Variants in SAMD10 observed in about 807,000 individuals in gnomAD.
SAMD10 encodes the protein sterile alpha motif domain-containing protein 10.
In SAMD10, 16 loss-of-function variants were observed where a neutral mutation model predicts 22.5. That is an observed-to-expected ratio of 0.71 (90% CI 0.48 to 1.08). The LOEUF (loss-of-function observed/expected upper bound fraction) is 1.08, where lower values mean the gene tolerates loss of function less well. SAMD10 is among the 50% of genes least tolerant of loss of function. SAMD10 has a pLI of 0.00. For missense variants in SAMD10, 227 were observed against 281.3 expected (o/e 0.81, Z 1.38); for synonymous variants, 118 against 122.2 (o/e 0.97, Z 0.23).
In SAMD10 at chr20:63,977,272, T is replaced by A. The variant is rs1569206537; in HGVS notation, c.226A>T (p.Ser76Cys). 2 of 1,613,428 alleles carry A rather than the reference T, an allele frequency of 1.2e-6. No individual in the cohort carries two copies. Among genetic ancestry groups the A allele is most frequent in the Non-Finnish European group, 8.5e-7 (1 of 1,179,994 alleles). The change falls in exon 2 of 5, where the codon AGC becomes TGC. Residue 76 changes from serine to cysteine, a missense_variant. By Grantham distance (112) the Ser-to-Cys change is moderately radical. Coordinates refer to ENST00000369886, the MANE Select transcript of SAMD10 (RefSeq NM_080621.5). The surrounding 1 kb of genome is among the most constrained non-coding windows in gnomAD (Gnocchi z 5.4). ...TGCTGCAGGAGCTTGATTGGCCTGC[T>A]GCTGGCCGCCCTCTGGCTGCGGGAG... ...HDSRSQRAAS[S>C]RPIKLLQQPG...
At chr20:63,978,918 G>A (rs1437775659) in intron 1 of SAMD10, among the ~76,000 whole-genome samples, 1 of 152,184 alleles carries the variant, frequency 6.6e-6, no homozygotes, top group Admixed American at 6.5e-5. Context: ...AGCAGGCTCC[G>A]CCCATTTCCT....
chr20:63,979,693 C>G (rs2059051287), upstream of SAMD10: 1 of 985,218 alleles, frequency 1.0e-6, no homozygotes, highest in Non-Finnish European at 1.2e-6. The surrounding 1 kb of genome is among the most constrained non-coding windows in gnomAD (Gnocchi z 7.7). Flanking sequence ...CGCGGGCCTG[C>G]GTGCACCAAG....
At chr20:63,979,778 C>T, upstream of SAMD10, 1 of 800,306 alleles carries the variant, frequency 1.2e-6, no homozygotes, top group Non-Finnish European at 1.5e-6. This position sits in a 1 kb window ranked among gnomAD's most constrained non-coding sequence, Gnocchi z 7.7. Context: ...GTGAACCTGC[C>T]GGGCGTCCTC....
intron 3 of SAMD10, among the ~76,000 whole-genome samples, chr20:63,976,078 C>A (rs369477849): frequency 6.6e-6 from 1 of 152,168 alleles, no homozygotes; most frequent in Non-Finnish European, 1.5e-5. Flanking sequence ...GAGGCTGAGG[C>A]GGGAGGATCA....
rs191448031 is a variant in SAMD10, at chr20:63,976,963, C to T, written c.445+8G>A. 798 of 1,613,926 alleles carry T rather than the reference C, an allele frequency of 4.9e-4. 3 individuals carry two copies. The African/African-American group carries it at 9.3e-3, about 19-fold the overall frequency. ...CCCACTCCCACAGCACCCTCAGCGC[C>T]ACTGTACCGGTGATGGCATGCTGGG... On this transcript the variant is annotated splice_region_variant and intron_variant, in intron 3 of 4. Transcript: ENST00000369886.
rs1190001107 is a variant in SAMD10, at chr20:63,974,498, GAGAGGGCAGAGGCGCA to G, written c.*996_*1011del. On this transcript the variant is annotated 3_prime_UTR_variant, in exon 5 of 5. Transcript: ENST00000369886. The stretch of plus-strand genomic sequence containing the variant: ...TTTTCAGAAGCCACAGGGGGACTGG[GAGAGGGCAGAGGCGCA>G]AGAGGGTGGAGGCGGCTAGGGCCGC... The G allele has an allele frequency of 6.5e-6, 1 of 152,900 alleles. No homozygotes were observed. The highest frequency in any genetic ancestry group is 2.4e-5 in the African/African-American group (1 of 41,476). The allele number at this position is 152,900 out of a possible 1,614,324, so 9.5% of individuals were successfully genotyped here. A position where few individuals can be genotyped will look rare whatever the true frequency, so the allele number is the denominator to read the frequency against.
In SAMD10 at chr20:63,977,120, T is replaced by C. The variant is rs747371207; in HGVS notation, c.296A>G (p.Tyr99Cys). The C allele has an allele frequency of 3.1e-6, 5 of 1,613,850 alleles. No individual in the cohort carries two copies. The highest frequency in any genetic ancestry group is 2.5e-6 in the Non-Finnish European group (3 of 1,179,974). The change falls in exon 3 of 5, where the codon TAT becomes TGT. Residue 99 changes from tyrosine (Y) to cysteine (C), a missense_variant. By Grantham distance (194) the Tyr-to-Cys change is radical. Transcript: ENST00000369886. The surrounding 1 kb of genome is among the most constrained non-coding windows in gnomAD (Gnocchi z 5.4). The part of the protein sequence containing the change: ...TPQGRLYSDH[Y>C]GLYHTSPSLG... ...CGAGGGGCTTGTATGGTACAGGCCATAGTGGTCAGAGTACAGCCGGCCCTG... is the reference window on the plus strand; with the variant it reads ...CGAGGGGCTTGTATGGTACAGGCCACAGTGGTCAGAGTACAGCCGGCCCTG...
chr20:63,976,013 A>C (rs191217400), intron 3 of SAMD10, among the ~76,000 whole-genome samples, 181 bp from the exon 4 acceptor site: 11 of 152,326 alleles, frequency 7.2e-5, no homozygotes, highest in African/African-American at 2.6e-4. Flanking sequence ...TTTCTACTAA[A>C]AGTATAAAAA....
Position 63,977,428 on chromosome 20 carries a change from C to A in SAMD10, c.92-22G>T. 1 of 1,610,028 alleles carries A rather than the reference C, an allele frequency of 6.2e-7. No individual in the cohort carries two copies. Among genetic ancestry groups the A allele is most frequent in the South Asian group, 1.1e-5 (1 of 90,792 alleles). On this transcript the variant is annotated intron_variant, in intron 1 of 4. Transcript: ENST00000369886. This position sits in a 1 kb window ranked among gnomAD's most constrained non-coding sequence, Gnocchi z 5.4. Reference sequence around the variant, plus strand: ...GTGGCTGTGTGTGGGGGTGCCTGGTCAGGGCAGTCAAGGGCAGAACCAGAG... The same window carrying A: ...GTGGCTGTGTGTGGGGGTGCCTGGTAAGGGCAGTCAAGGGCAGAACCAGAG...
At position 63,979,592 on chromosome 20, in the gene SAMD10, C is replaced by A; in HGVS notation, c.-125G>T. 1 of 984,128 alleles carries A rather than the reference C, an allele frequency of 1.0e-6. No homozygotes were observed. The highest frequency in any genetic ancestry group is 1.2e-6 in the Non-Finnish European group (1 of 829,866). 61.0% of individuals were successfully genotyped at this position (984,128 alleles called of 1,614,324 possible). A position where few individuals can be genotyped will look rare whatever the true frequency, so the allele number is the denominator to read the frequency against. On this transcript the variant is annotated 5_prime_UTR_variant, in exon 1 of 5. Transcript: ENST00000369886. The surrounding 1 kb of genome is among the most constrained non-coding windows in gnomAD (Gnocchi z 7.7). ...AGCCGGCCCCGCGCCCGAGCCGGTC[C>A]CCGCGGCCCGCGAGTGTGCGCGACG...
At position 63,975,827 on chromosome 20, in the gene SAMD10, C is replaced by A; in HGVS notation, c.451G>T (p.Ala151Ser). 7 of 1,597,634 alleles carry A rather than the reference C, an allele frequency of 4.4e-6. No individual in the cohort carries two copies. The highest frequency in any genetic ancestry group is 5.9e-6 in the Non-Finnish European group (7 of 1,176,502). ...AFSQHAITGRALLRLNAEKLQ... is the reference protein window; with the variant it reads ...AFSQHAITGRSLLRLNAEKLQ... The stretch of plus-strand genomic sequence containing the variant: ...TTCTCCGCATTCAGCCGCAGCAGTG[C>A]CCGGCCTGGGGAGAGGAAAGAGGGG... The change falls in exon 4 of 5, where the codon GCA becomes TCA. Residue 151 changes from alanine (A) to serine (S), a missense_variant. Transcript: ENST00000369886.
At position 63,975,331 on chromosome 20, in the gene SAMD10, T is replaced by A; in HGVS notation, c.*179A>T. The A allele has an allele frequency of 6.7e-5, 41 of 609,868 alleles. No homozygotes were observed. Among genetic ancestry groups the A allele is most frequent in the Middle Eastern group, 4.7e-4 (1 of 2,134 alleles). The allele number at this position is 609,868 out of a possible 1,614,324, so 37.8% of individuals were successfully genotyped here. A position where few individuals can be genotyped will look rare whatever the true frequency, so the allele number is the denominator to read the frequency against. On this transcript the variant is annotated 3_prime_UTR_variant, in exon 5 of 5. Coordinates refer to ENST00000369886, the MANE Select transcript of SAMD10 (RefSeq NM_080621.5). ...ACCCACCCAGCCCCAGGGCACGACC[T>A]GGAATGTCCAACCAGAGGCGCCTGG...
chr20:63,974,412 G>C lies in SAMD10; in HGVS notation c.*1098C>G, dbSNP rs551285295. ...CCTGGGACCTGCAGTGACCAGCCTC[G>C]AGTCTGGAGGCTCAAAGCACACAGA... is the stretch of plus-strand genomic sequence containing the variant. On this transcript the variant is annotated 3_prime_UTR_variant, in exon 5 of 5. Coordinates refer to ENST00000369886, the MANE Select transcript of SAMD10 (RefSeq NM_080621.5). 6.5e-6 allele frequency: 1 copy of C among 152,698 alleles called. No individual in the cohort carries two copies. The highest frequency in any genetic ancestry group is 1.9e-4 in the East Asian group (1 of 5,190). 9.5% of individuals were successfully genotyped at this position (152,698 alleles called of 1,614,324 possible).
Position 63,977,385 on chromosome 20 carries a change from C to G in SAMD10, c.113G>C (p.Cys38Ser). The G allele has an allele frequency of 1.2e-6, 2 of 1,613,114 alleles. No homozygotes were observed. Among genetic ancestry groups the G allele is most frequent in the Non-Finnish European group, 1.7e-6 (2 of 1,180,002 alleles). ...DVDATAHFSFCRTLLEHTVSA... is the reference protein window; with the variant it reads ...DVDATAHFSFSRTLLEHTVSA... ...CACCGTGTGCTCCAGGAGGGTCCGG[C>G]AGAAGCTGAAGTGGGCAGTGGCTGT... The change falls in exon 2 of 5, where the codon TGC becomes TCC. Residue 38 changes from cysteine (C) to serine (S), a missense_variant. Physicochemically the swap from Cys to Ser is moderately radical, Grantham distance 112 (BLOSUM62 -1). Transcript: ENST00000369886. This position sits in a 1 kb window ranked among gnomAD's most constrained non-coding sequence, Gnocchi z 5.4.
rs1363639352 is a variant in SAMD10, at chr20:63,977,872, G to A, written c.92-466C>T. Among the ~76,000 whole-genome samples the A allele has an allele frequency of 1.3e-5, 2 of 152,240 alleles. No homozygotes were observed. The highest frequency in any genetic ancestry group is 2.9e-5 in the Non-Finnish European group (2 of 68,046). ...GGAGGTCGTCTGTGCTGGGGAAACC[G>A]GGCTGAGGATGCTGCTTGCCCATCG... On this transcript the variant is annotated intron_variant, in intron 1 of 4. Transcript: ENST00000369886. The surrounding 1 kb of genome is among the most constrained non-coding windows in gnomAD (Gnocchi z 5.4).
rs1601497014 is a variant in SAMD10, at chr20:63,975,401, C to T, written c.*109G>A. ...TCTGTCCGTTGGGCCAGCCTGGCCG[C>T]CCCGGCATCCCGCAGGGTCCAAGAG... On this transcript the variant is annotated 3_prime_UTR_variant, in exon 5 of 5. Coordinates refer to ENST00000369886, the MANE Select transcript of SAMD10 (RefSeq NM_080621.5). 1 of 1,407,852 alleles carries T rather than the reference C, an allele frequency of 7.1e-7. No individual in the cohort carries two copies. The highest frequency in any genetic ancestry group is 9.9e-7 in the Non-Finnish European group (1 of 1,014,378). The allele number at this position is 1,407,852 out of a possible 1,614,324, so 87.2% of individuals were successfully genotyped here. A position where few individuals can be genotyped will look rare whatever the true frequency, so the allele number is the denominator to read the frequency against.
chr20:63,975,655 C>A (rs560988415), intron 4 of SAMD10, 37 bp downstream of exon 4: 2 of 1,576,516 alleles, frequency 1.3e-6, no homozygotes, highest in South Asian at 2.3e-5. Context: ...GGGGCTTCTC[C>A]ATCAGCCCCC....
At position 63,975,543 on chromosome 20, in the gene SAMD10, G is replaced by A; in HGVS notation, c.587-11C>T. ...TTTTCCCGAAGGAAGCTGTGTGATG[G>A]AAGAGGGTGAGAATGGGGTGGGGTC... On this transcript the variant is annotated splice_polypyrimidine_tract_variant and intron_variant, in intron 4 of 4. Transcript: ENST00000369886. 6.2e-7 allele frequency: 1 copy of A among 1,604,974 alleles called. No individual in the cohort carries two copies.
At chr20:63,979,666 G>A (rs963145521), upstream of SAMD10, 48 of 985,126 alleles carry the variant, frequency 4.9e-5, no homozygotes, top group Middle Eastern at 1.6e-3. This position sits in a 1 kb window ranked among gnomAD's most constrained non-coding sequence, Gnocchi z 7.7. Context: ...CGGGAGCTCC[G>A]AGGTGTGTCG....
Sources: allele counts gnomAD v4.1 joint callset (sites outside exome capture counted in the v4.1 genomes callset), GRCh38; gene constraint gnomAD v4.1.1; non-coding constraint Gnocchi (gnomAD v3.1); transcripts MANE v1.5; gene names NCBI Gene and HGNC (gene_info 2026-07-23, HGNC 2026-07-21).